The following EPS15 variants were observed in gnomAD, a reference collection of about 807,000 sequenced individuals.
EPS15 encodes the protein epidermal growth factor receptor substrate 15.
EPS15 carries 72 observed loss-of-function variants against 113.8 expected under a neutral mutation model. The observed-to-expected ratio is 0.63, with a 90% CI of 0.52 to 0.77. The LOEUF (loss-of-function observed/expected upper bound fraction) is 0.77. Ranked by LOEUF, EPS15 falls within the 30% of genes least tolerant of loss-of-function variation. The probability of loss-of-function intolerance (pLI) is 0.00; values close to 1 mark genes in which losing one functional copy is unlikely to be tolerated. For missense variants in EPS15, 1,048 were observed against 1,045.8 expected, an observed-to-expected ratio of 1.00 and a Z score of -0.03; for synonymous variants, 344 against 363.4, an observed-to-expected ratio of 0.95 and a Z score of 0.61.
At chr1:51,357,825 C>T (rs1646276229) in intron 24 of EPS15, among the ~76,000 whole-genome samples, 1 of 151,266 alleles carries the variant, frequency 6.6e-6, no homozygotes, top group Non-Finnish European at 1.5e-5. Context: ...CCACAACCTC[C>T]GCCTCCCGGG....
At chr1:51,462,897 T>TTG in intron 7 of EPS15, among the ~76,000 whole-genome samples, 3 of 132,222 alleles carry the variant, frequency 2.3e-5, no homozygotes, top group South Asian at 2.4e-4. Context: ...TTTTTTTTTC[T>TTG]AAGACAGTCT....
At chr1:51,508,231 A>G (rs1161940089) in intron 1 of EPS15, among the ~76,000 whole-genome samples, 392 of 113,450 alleles carry the variant, frequency 3.5e-3, no homozygotes, top group African/African-American at 6.3e-3. Context: ...AAGAAAAGAA[A>G]AGAAAAGAAA....
Position 51,481,284 on chromosome 1 carries a change from A to AT in EPS15, c.63dup (p.Tyr22IlefsTer3). 7.3e-7 allele frequency: 1 copy of AT among 1,372,298 alleles called. No individual in the cohort carries two copies. Among genetic ancestry groups the AT allele is most frequent in the Non-Finnish European group, 1.0e-6 (1 of 963,356 alleles). 85.0% of individuals were successfully genotyped at this position (1,372,298 alleles called of 1,614,324 possible). ...AACAAAAATCTTACCTGTCTATAGT[A>AT]TTTTTCATATACAGGATTCCCACTT... On this transcript the variant is annotated frameshift_variant, in exon 2 of 25. Transcript: ENST00000371733. LOFTEE classifies it high-confidence loss of function.
At chr1:51,383,098 AC>A in intron 21 of EPS15, among the ~76,000 whole-genome samples, 1 of 152,254 alleles carries the variant, frequency 6.6e-6, no homozygotes, top group East Asian at 1.9e-4. Context: ...AATGTAATAC[AC>A]CACATTAACA....
At chr1:51,416,182 T>C (rs1650206863) in intron 13 of EPS15, among the ~76,000 whole-genome samples, 1 of 152,112 alleles carries the variant, frequency 6.6e-6, no homozygotes, top group Non-Finnish European at 1.5e-5. Flanking sequence ...ACTTGGGTAA[T>C]TTTCTCTTTC....
intron 7 of EPS15, 182 bp downstream of exon 7, chr1:51,463,491 C>A: frequency 4.4e-6 from 2 of 458,730 alleles, no homozygotes; most frequent in East Asian, 3.4e-5. Flanking sequence ...AGGGAATAAC[C>A]AAATACAGAA....
intron 1 of EPS15, among the ~76,000 whole-genome samples, chr1:51,518,884 C>T (rs1644783218): frequency 6.6e-6 from 1 of 151,642 alleles, no homozygotes; most frequent in South Asian, 2.1e-4. Flanking sequence ...CCCGCGGGAG[C>T]CGGCCCGGCA....
intron 1 of EPS15, 34 bp downstream of exon 1, chr1:51,519,165 C>T: frequency 7.0e-7 from 1 of 1,421,296 alleles, no homozygotes; most frequent in Non-Finnish European, 9.3e-7. Flanking sequence ...GGGCACCGGC[C>T]GGCCAAGCCC....
chr1:51,370,637 T>A (rs997539512), intron 21 of EPS15, among the ~76,000 whole-genome samples: 4 of 151,684 alleles, frequency 2.6e-5, no homozygotes, highest in Admixed American at 2.0e-4. Context: ...TTTTTTTTTT[T>A]AAAGACAGAG....
rs1647083538 is a variant in EPS15, at chr1:51,386,660, T to C, written c.2119+7721A>G. Among the ~76,000 whole-genome samples the C allele has an allele frequency of 5.9e-5, 9 of 152,236 alleles. No homozygotes were observed. In the South Asian group the frequency reaches 1.9e-3, roughly 32 times the overall value. ...TCATCAAAGACCAAAAGTCGAGAAC[T>C]ACGTGAAGAATGCAGAAGCCTCAGC... On this transcript the variant is annotated intron_variant, in intron 21 of 24. Transcript: ENST00000371733.
chr1:51,457,755 C>A (rs778015394), intron 8 of EPS15: 1 of 152,026 alleles, frequency 6.6e-6, no homozygotes, highest in Non-Finnish European at 1.5e-5. Context: ...TCAAAAGTTT[C>A]AGATTTTGAA....
At chr1:51,436,910 C>T (rs1490707810) in intron 12 of EPS15, among the ~76,000 whole-genome samples, 2 of 151,976 alleles carry the variant, frequency 1.3e-5, no homozygotes, top group African/African-American at 4.8e-5. Flanking sequence ...GATGAAAACA[C>T]TAGTAGGCAA....
intron 6 of EPS15, 42 bp from the exon 7 acceptor site, chr1:51,463,840 A>C: frequency 1.5e-6 from 2 of 1,357,472 alleles, no homozygotes; most frequent in Non-Finnish European, 2.1e-6. Flanking sequence ...AATAAGAGAA[A>C]AGGATTTAAC....
intron 1 of EPS15, among the ~76,000 whole-genome samples, chr1:51,509,041 T>C (rs1267270487): frequency 6.6e-6 from 1 of 152,166 alleles, no homozygotes. Context: ...CTTACTTCTA[T>C]CATCCTTTAT....
At chr1:51,511,100 A>T (rs965948911) in intron 1 of EPS15, among the ~76,000 whole-genome samples, 9 of 151,604 alleles carry the variant, frequency 5.9e-5, no homozygotes, top group Admixed American at 5.9e-4. Context: ...CGGGAGGCAG[A>T]GGTTACAGTG....
At chr1:51,397,983 C>G (rs1249170032) in intron 20 of EPS15, among the ~76,000 whole-genome samples, 1 of 151,886 alleles carries the variant, frequency 6.6e-6, no homozygotes, top group Admixed American at 6.6e-5. Context: ...GTAATGGATG[C>G]ATGGAAGCTT....
rs1051451497 is a variant in EPS15 at position 51,440,368 on chromosome 1, T to C, written c.1019A>G (p.Asn340Ser). The change falls in exon 12 of 25, where the codon AAT (asparagine) becomes AGT (serine). Residue 340 changes from asparagine (N) to serine (S), a missense_variant. Asn to Ser is a conservative substitution (Grantham distance 46). Transcript: ENST00000371733. ...ATACCTCTGTAGGTCAACTATTTCA[T>C]TGTTAAGAGTATCTAGTTCCTTAAT... ...SAIKELDTLN[N>S]EIVDLQREKN... The C allele has an allele frequency of 1.3e-6, 2 of 1,581,680 alleles. No individual in the cohort carries two copies. Among genetic ancestry groups the C allele is most frequent in the Non-Finnish European group, 1.7e-6 (2 of 1,157,648 alleles).
At chr1:51,492,076 T>C (rs972144530) in intron 1 of EPS15, among the ~76,000 whole-genome samples, 5 of 152,026 alleles carry the variant, frequency 3.3e-5, no homozygotes, top group African/African-American at 1.2e-4. Flanking sequence ...CTCAAACTCC[T>C]GGATTTAAGT....
Position 51,425,361 on chromosome 1 carries a change from A to G in EPS15, c.1041-3503T>C, listed in dbSNP as rs185735406. On this transcript the variant is annotated intron_variant, in intron 12 of 24. Coordinates refer to ENST00000371733, the MANE Select transcript of EPS15 (RefSeq NM_001981.3). The stretch of plus-strand genomic sequence containing the variant: ...ATTTTCCTAGACTCTATGTACAGGC[A>G]GTAGGGTGTAAGCCATCTGTCTCAG... 6.6e-5 allele frequency among the ~76,000 whole-genome samples: 10 copies of G among 152,348 alleles called. No homozygotes were observed. The East Asian group carries it at 1.7e-3, about 26-fold the overall frequency.
Sources: allele counts gnomAD v4.1 joint callset (sites outside exome capture counted in the v4.1 genomes callset), GRCh38; gene constraint gnomAD v4.1.1; transcripts MANE v1.5; gene names NCBI Gene and HGNC (gene_info 2026-07-23, HGNC 2026-07-21).